Variants in NPEPL1 observed in about 807,000 individuals in gnomAD.
NPEPL1 encodes the protein probable aminopeptidase NPEPL1.
NPEPL1 carries 45 observed loss-of-function variants against 52.4 expected under a neutral mutation model. The ratio of observed to expected loss-of-function variants is 0.86; its 90% CI spans 0.68 to 1.10. The LOEUF (loss-of-function observed/expected upper bound fraction) is 1.10. Ranked by LOEUF, NPEPL1 falls within the 50% of genes least tolerant of loss-of-function variation. NPEPL1 has a pLI of 0.00. For synonymous variants in NPEPL1, 360 were observed against 314.7 expected (o/e 1.14, Z -1.52); for missense variants, 696 against 710.9 (o/e 0.98, Z 0.24).
chr20:58,706,644 G>A (rs1601122084), intron 6 of NPEPL1, among the ~76,000 whole-genome samples: 1 of 152,062 alleles, frequency 6.6e-6, no homozygotes, highest in Admixed American at 6.5e-5. Context: ...AGCCCCAGAG[G>A]CTCCCTGGAC....
chr20:58,693,138 C>G (rs1355812040), intron 1 of NPEPL1, 88 bp downstream of exon 1: 1 of 895,818 alleles, frequency 1.1e-6, no homozygotes, highest in Non-Finnish European at 1.3e-6. Flanking sequence ...CCCGCCGCAC[C>G]CCCGCCGCCG....
intron 6 of NPEPL1, chr20:58,703,485 C>A: frequency 1.0e-6 from 1 of 971,284 alleles, no homozygotes; most frequent in Non-Finnish European, 1.2e-6. Context: ...ACCCTCAATA[C>A]CCACGGTCAC....
At chr20:58,693,398 T>C (rs1251026629) in intron 1 of NPEPL1, 1 of 226,260 alleles carries the variant, frequency 4.4e-6, no homozygotes, top group Non-Finnish European at 8.6e-6. Flanking sequence ...CCCATGGCAG[T>C]GTCCCCAGCT....
intron 1 of NPEPL1, chr20:58,693,461 A>T: frequency 2.6e-6 from 1 of 377,722 alleles, no homozygotes; most frequent in Non-Finnish European, 4.8e-6. Flanking sequence ...GAAGCCGCCT[A>T]AGCCCTATCC....
Position 58,713,193 on chromosome 20 carries a change from C to T in NPEPL1, c.1002-227C>T, listed in dbSNP as rs1601138130. 1.9e-6 allele frequency: 1 copy of T among 522,170 alleles called. No homozygotes were observed. The highest frequency in any genetic ancestry group is 2.9e-5 in the South Asian group (1 of 33,950). The allele number at this position is 522,170 out of a possible 1,614,324, so 32.3% of individuals were successfully genotyped here. The stretch of plus-strand genomic sequence containing the variant: ...GGAGAGCCAAATGGCTGGTCTCTGG[C>T]TCTCCAGAGCAGCGGGGCAGGGATG... On this transcript the variant is annotated intron_variant, in intron 8 of 11. Coordinates refer to ENST00000356091, the MANE Select transcript of NPEPL1 (RefSeq NM_024663.4). The surrounding 1 kb of genome is among the most constrained non-coding windows in gnomAD (Gnocchi z 4.6).
upstream of NPEPL1, chr20:58,692,166 G>A: frequency 5.4e-6 from 2 of 373,158 alleles, no homozygotes; most frequent in Admixed American, 8.5e-5. This position sits in a 1 kb window ranked among gnomAD's most constrained non-coding sequence, Gnocchi z 5.7. Context: ...TTTGTAACTG[G>A]CCATCCCAGC....
intron 7 of NPEPL1, among the ~76,000 whole-genome samples, chr20:58,707,952 C>T (rs1026673408): frequency 8.5e-5 from 13 of 152,168 alleles, no homozygotes; most frequent in African/African-American, 2.2e-4. Context: ...CGTGGTGGCG[C>T]GCACCTGTAG....
Position 58,714,378 on chromosome 20 carries a change from G to T in NPEPL1, c.1303-182G>T, listed in dbSNP as rs934008336. ...GCTGGCTTCCCCCTTGGCCTATGGT[G>T]GGGGCAGACTCCTTAGCTCATGGTC... On this transcript the variant is annotated intron_variant, in intron 10 of 11. Coordinates refer to ENST00000356091, the MANE Select transcript of NPEPL1 (RefSeq NM_024663.4). 3 of 601,516 alleles carry T rather than the reference G, an allele frequency of 5.0e-6. No homozygotes were observed. The South Asian group carries it at 6.4e-5, about 13-fold the overall frequency. 37.3% of individuals were successfully genotyped at this position (601,516 alleles called of 1,614,324 possible).
At chr20:58,692,215 T>C, upstream of NPEPL1, 1 of 266,094 alleles carries the variant, frequency 3.8e-6, no homozygotes, top group Non-Finnish European at 7.2e-6. The surrounding 1 kb of genome is among the most constrained non-coding windows in gnomAD (Gnocchi z 5.7). Context: ...CCTGTCACCC[T>C]CTCACATCCA....
At position 58,714,660 on chromosome 20, in the gene NPEPL1, C is replaced by T. The variant is rs775915111; in HGVS notation, c.1403C>T (p.Pro468Leu). Residue 468 changes from proline to leucine, a missense_variant, in exon 11 of 12, where the codon CCG becomes CTG. Pro to Leu is a moderately conservative substitution (Grantham distance 98). Transcript: ENST00000356091. Reference protein sequence around the residue: ...GVWVHLDIAAPVHAGERATGF... With the variant: ...GVWVHLDIAALVHAGERATGF... ...TGGGTCCACCTGGACATTGCTGCAC[C>T]GGTGCATGCTGTGAGTGTCTCCCCT... is the stretch of plus-strand genomic sequence containing the variant. 17 of 1,590,278 alleles carry T rather than the reference C, an allele frequency of 1.1e-5. No homozygotes were observed. Among genetic ancestry groups the T allele is most frequent in the South Asian group, 3.4e-5 (3 of 87,882 alleles).
intron 6 of NPEPL1, chr20:58,704,522 TATC>T (rs1410784744): frequency 6.1e-6 from 2 of 326,854 alleles, no homozygotes; most frequent in Admixed American, 6.5e-5. Context: ...CATTGCATGT[TATC>T]ATAAATAATT....
intron 7 of NPEPL1, among the ~76,000 whole-genome samples, chr20:58,710,374 T>C (rs2084811553): frequency 6.6e-6 from 1 of 152,108 alleles, no homozygotes; most frequent in South Asian, 2.1e-4. Context: ...AGTTTGAAAT[T>C]ATTTCACAGT....
intron 7 of NPEPL1, among the ~76,000 whole-genome samples, chr20:58,707,590 G>A (rs2084761922): frequency 6.6e-6 from 1 of 152,172 alleles, no homozygotes; most frequent in Non-Finnish European, 1.5e-5. Flanking sequence ...AGCTGCCTCT[G>A]GTGACTGGTC....
intron 6 of NPEPL1, chr20:58,703,623 T>G (rs2084679777): frequency 1.0e-6 from 1 of 985,276 alleles, no homozygotes; most frequent in South Asian, 4.7e-5. Context: ...ATTCATTCGT[T>G]TGCTTGTGGC....
intron 11 of NPEPL1, 145 bp from the exon 12 acceptor site, chr20:58,715,022 TG>T (rs1417395169): frequency 2.1e-6 from 2 of 931,430 alleles, no homozygotes; most frequent in Non-Finnish European, 3.1e-6. Context: ...TGGAAGGCTC[TG>T]GGCTCCGGCT....
intron 6 of NPEPL1, chr20:58,703,470 C>T: frequency 1.0e-6 from 1 of 977,150 alleles, no homozygotes; most frequent in South Asian, 4.7e-5. Flanking sequence ...CCCACCCTCG[C>T]ACGCACCCTC....
intron 7 of NPEPL1, among the ~76,000 whole-genome samples, chr20:58,708,447 G>A (rs2084776588): frequency 6.6e-6 from 1 of 151,850 alleles, no homozygotes; most frequent in South Asian, 2.1e-4. Context: ...GTTTGGAAAC[G>A]GCCTCTTAGG....
upstream of NPEPL1, among the ~76,000 whole-genome samples, chr20:58,692,408 G>A (rs577283707): frequency 1.3e-5 from 2 of 152,324 alleles, no homozygotes; most frequent in East Asian, 3.9e-4. The surrounding 1 kb of genome is among the most constrained non-coding windows in gnomAD (Gnocchi z 5.7). Context: ...CGGGGTCCCT[G>A]GGGATCAAAA....
rs368998024 is a variant in NPEPL1 at position 58,712,500 on chromosome 20, G to A, written c.922G>A (p.Ala308Thr). Residue 308 changes from alanine (A) to threonine (T), a missense_variant, in exon 8 of 12, where the codon GCT (alanine) becomes ACT (threonine). By Grantham distance (58) the Ala-to-Thr change is moderately conservative. Transcript: ENST00000356091. Reference protein sequence around the residue: ...IKQGFKDNLHAVFCLAENSVG... With the variant: ...IKQGFKDNLHTVFCLAENSVG... ...CCAGGGTTTCAAAGACAACCTCCAC[G>A]CTGTGTTCTGCTTGGCTGAGAACTC... 35 of 1,613,024 alleles carry A rather than the reference G, an allele frequency of 2.2e-5. No homozygotes were observed. The highest frequency in any genetic ancestry group is 2.7e-5 in the African/African-American group (2 of 74,678).
Sources: allele counts gnomAD v4.1 joint callset (sites outside exome capture counted in the v4.1 genomes callset), GRCh38; gene constraint gnomAD v4.1.1; non-coding constraint Gnocchi (gnomAD v3.1); transcripts MANE v1.5; gene names NCBI Gene and HGNC (gene_info 2026-07-23, HGNC 2026-07-21).